ITCH: variants seen among roughly 807,000 people sequenced by gnomAD.
ITCH encodes itchy E3 ubiquitin protein ligase, also known as E3 ubiquitin-protein ligase Itchy homolog.
Under a neutral mutation model 126.8 loss-of-function variants are expected in ITCH, and 28 were observed. The observed-to-expected ratio is 0.22, with a 90% confidence interval of 0.16 to 0.30. The LOEUF is 0.30. Ranked by LOEUF, ITCH falls within the 10% of genes least tolerant of loss-of-function variation. ITCH has a pLI of 1.00. For missense variants in ITCH, 631 were observed against 1,032.4 expected (o/e 0.61, Z 5.33); for synonymous variants, 342 against 340.0 (o/e 1.01, Z -0.06).
intron 6 of ITCH, among the ~76,000 whole-genome samples, chr20:34,422,436 T>C (rs982341049): frequency 2.0e-5 from 3 of 152,252 alleles, no homozygotes; most frequent in Non-Finnish European, 4.4e-5. Flanking sequence ...TAGTAACTTA[T>C]GCTGGATATT....
At chr20:34,449,355 C>A in intron 11 of ITCH, 56 bp from the exon 12 acceptor site, 1 of 1,029,920 alleles carries the variant, frequency 9.7e-7, no homozygotes, top group African/African-American at 1.6e-5. Context: ...CATAAGCTTG[C>A]TGTCAGATAA....
intron 2 of ITCH, among the ~76,000 whole-genome samples, chr20:34,370,388 G>A (rs1416084289): frequency 6.6e-6 from 1 of 152,158 alleles, no homozygotes; most frequent in Non-Finnish European, 1.5e-5. Context: ...GGCCAGGCAC[G>A]GTGGCTCATA....
intron 20 of ITCH, among the ~76,000 whole-genome samples, 198 bp downstream of exon 20, chr20:34,481,404 T>G (rs1489712925): frequency 6.6e-6 from 1 of 152,192 alleles, no homozygotes; most frequent in East Asian, 1.9e-4. Flanking sequence ...ATAAAAGTCA[T>G]GCAGGATCAC....
intron 6 of ITCH, among the ~76,000 whole-genome samples, chr20:34,418,961 A>G (rs1288516125): frequency 3.9e-5 from 6 of 151,928 alleles, no homozygotes; most frequent in Non-Finnish European, 8.8e-5. Context: ...AAGTTTCTCC[A>G]TGTTGGTCAG....
chr20:34,462,203 G>A lies in ITCH; in HGVS notation c.1406G>A (p.Arg469His), dbSNP rs765813305. Residue 469 changes from arginine to histidine, a missense_variant, in exon 14 of 25, where the codon CGC becomes CAC. Arg to His is a conservative substitution (Grantham distance 29). This residue lies in a region of ITCH where 390 missense variants were observed against 731.6 expected (regional missense o/e 0.53). Transcript: ENST00000374864. ...NRRTTTYIDP[R>H]TGKSALDNGP... The stretch of plus-strand genomic sequence containing the variant: ...AGAACTACCACCTATATAGATCCCC[G>A]CACAGGAAAATCTGCCCTGTAAGTT... The A allele has an allele frequency of 2.5e-6, 4 of 1,613,654 alleles. No homozygotes were observed. The highest frequency in any genetic ancestry group is 3.4e-6 in the Non-Finnish European group (4 of 1,179,756).
At chr20:34,505,168 C>CA (rs1382957610) in intron 24 of ITCH, among the ~76,000 whole-genome samples, 1 of 151,938 alleles carries the variant, frequency 6.6e-6, no homozygotes, top group Non-Finnish European at 1.5e-5. Flanking sequence ...CTCAGCCTCC[C>CA]AAGCAGCTGG....
chr20:34,419,796 A>T (rs374362047), intron 6 of ITCH, among the ~76,000 whole-genome samples: 17 of 151,816 alleles, frequency 1.1e-4, no homozygotes, highest in African/African-American at 3.6e-4. Flanking sequence ...CTGGGACTAC[A>T]GGCCTTTTAA....
chr20:34,474,812 T>C lies in ITCH; in HGVS notation c.1570-2960T>C, dbSNP rs569292689. Among the ~76,000 whole-genome samples, 101 of 151,062 alleles carry C rather than the reference T, an allele frequency of 6.7e-4. 1 individual carries two copies. The highest frequency in any genetic ancestry group is 1.2e-3 in the Non-Finnish European group (79 of 67,772). On this transcript the variant is annotated intron_variant, in intron 16 of 24. Transcript: ENST00000374864. ...GGGGGGGCTGACCCCCCCACCTCCCTCCCGGACAGGGTGGCTGCCGGGTGG... is the reference window on the plus strand; with the variant it reads ...GGGGGGGCTGACCCCCCCACCTCCCCCCCGGACAGGGTGGCTGCCGGGTGG...
intron 2 of ITCH, among the ~76,000 whole-genome samples, chr20:34,388,270 A>T (rs1198064650): frequency 6.6e-6 from 1 of 150,410 alleles, no homozygotes; most frequent in South Asian, 2.1e-4. Context: ...GCTAATTTTT[A>T]AATTTTTTGT....
chr20:34,380,054 G>A (rs1450061764), intron 2 of ITCH, among the ~76,000 whole-genome samples: 1 of 151,734 alleles, frequency 6.6e-6, no homozygotes, highest in South Asian at 2.1e-4. Context: ...GTGCCACCAC[G>A]CCCAGCTAAT....
intron 2 of ITCH, among the ~76,000 whole-genome samples, chr20:34,376,664 A>G (rs1311484430): frequency 6.6e-6 from 1 of 152,112 alleles, no homozygotes; most frequent in Non-Finnish European, 1.5e-5. Context: ...GGTAATAGGC[A>G]AAAGTTTTGA....
chr20:34,430,004 A>G (rs1390454664), intron 7 of ITCH, among the ~76,000 whole-genome samples: 2 of 152,220 alleles, frequency 1.3e-5, no homozygotes. Flanking sequence ...ATCTTTAATC[A>G]TAATATTTGG....
At chr20:34,505,092 G>A (rs1990534907) in intron 24 of ITCH, among the ~76,000 whole-genome samples, 1 of 152,102 alleles carries the variant, frequency 6.6e-6, no homozygotes, top group Non-Finnish European at 1.5e-5. Context: ...AGACCAGGCT[G>A]GAGTGCAGTG....
chr20:34,496,380 C>T (rs1989883108), intron 23 of ITCH, among the ~76,000 whole-genome samples: 1 of 152,228 alleles, frequency 6.6e-6, no homozygotes, highest in Non-Finnish European at 1.5e-5. Context: ...CATATACTTT[C>T]TCCCATTCTG....
At position 34,415,830 on chromosome 20, in the gene ITCH, A is replaced by T. The variant is rs190310017; in HGVS notation, c.475+1951A>T. Reference sequence around the variant, plus strand: ...AAGATGAAACTATTACTAATGTAAAATATTTAATAATTGCTGGACGCGGTG... The same window carrying T: ...AAGATGAAACTATTACTAATGTAAATTATTTAATAATTGCTGGACGCGGTG... On this transcript the variant is annotated intron_variant, in intron 6 of 24. Transcript: ENST00000374864. Among the ~76,000 whole-genome samples the T allele has an allele frequency of 2.4e-4, 37 of 152,324 alleles. No homozygotes were observed. The East Asian group carries it at 6.6e-3, about 27-fold the overall frequency.
intron 24 of ITCH, among the ~76,000 whole-genome samples, chr20:34,505,353 A>G (rs1353518853): frequency 6.6e-6 from 1 of 151,710 alleles, no homozygotes; most frequent in African/African-American, 2.4e-5. Context: ...CTGTTCAGTG[A>G]TTTTAGCATA....
chr20:34,463,111 C>T (rs1321268318), intron 14 of ITCH, among the ~76,000 whole-genome samples: 1 of 152,130 alleles, frequency 6.6e-6, no homozygotes. Flanking sequence ...GCCTGTAATC[C>T]CAGCGCTTTG....
chr20:34,370,166 A>G (rs545509632), intron 2 of ITCH, among the ~76,000 whole-genome samples: 51 of 152,132 alleles, frequency 3.4e-4, no homozygotes, highest in African/African-American at 1.2e-3. Context: ...CTTGGAAAGA[A>G]AAGATCTGGG....
chr20:34,496,384 C>T (rs1989883502), intron 23 of ITCH, among the ~76,000 whole-genome samples: 1 of 152,156 alleles, frequency 6.6e-6, no homozygotes, highest in Admixed American at 6.5e-5. Context: ...TACTTTCTCC[C>T]ATTCTGCAGA....
Sources: allele counts gnomAD v4.1 joint callset (sites outside exome capture counted in the v4.1 genomes callset), GRCh38; gene constraint gnomAD v4.1.1; regional missense constraint gnomAD v4.1.1; transcripts MANE v1.5; gene names NCBI Gene and HGNC (gene_info 2026-07-23, HGNC 2026-07-21).